Variants in ANK1 observed in about 807,000 individuals in gnomAD.
ANK1 encodes ankyrin-1.
A neutral mutation model predicts 210.4 loss-of-function variants in ANK1; 51 were observed. The ratio of observed to expected loss-of-function variants is 0.24; its 90% CI spans 0.19 to 0.31. The LOEUF is 0.31. Ranked by LOEUF, ANK1 falls within the 10% of genes least tolerant of loss-of-function variation. ANK1 has a pLI of 1.00. For synonymous variants in ANK1, 967 were observed against 1,025.9 expected, an observed-to-expected ratio of 0.94 and a Z score of 1.10; for missense variants, 2,051 against 2,504.4, an observed-to-expected ratio of 0.82 and a Z score of 3.86.
intron 1 of ANK1, among the ~76,000 whole-genome samples, chr8:41,772,744 G>A (rs942560461): frequency 6.6e-6 from 1 of 152,188 alleles, no homozygotes; most frequent in South Asian, 2.1e-4. Flanking sequence ...CCTGCTGCTG[G>A]CTGTGGCCAG....
chr8:41,878,073 G>A (rs916466216), intron 1 of ANK1, among the ~76,000 whole-genome samples: 1 of 152,158 alleles, frequency 6.6e-6, no homozygotes, highest in African/African-American at 2.4e-5. Flanking sequence ...TCTGGAAGGC[G>A]GCAGAGTCCA....
At chr8:41,665,263 T>C in intron 39 of ANK1, 1 of 1,503,786 alleles carries the variant, frequency 6.6e-7, no homozygotes. Flanking sequence ...GCAGCCAGGC[T>C]CTGCCCTGAG....
intron 1 of ANK1, among the ~76,000 whole-genome samples, chr8:41,895,398 C>T (rs539289551): frequency 6.6e-6 from 1 of 152,178 alleles, no homozygotes; most frequent in South Asian, 2.1e-4. Flanking sequence ...CTCTAAGGTG[C>T]CCTGACTTCT....
chr8:41,653,470 GGCTCCTACTA>G lies in ANK1; in HGVS notation c.*2310_*2319del, dbSNP rs1313817315. The G allele has an allele frequency of 6.5e-6, 1 of 152,710 alleles. No individual in the cohort carries two copies. Among genetic ancestry groups the G allele is most frequent in the Non-Finnish European group, 1.5e-5 (1 of 68,088 alleles). The allele number at this position is 152,710 out of a possible 1,614,324, so 9.5% of individuals were successfully genotyped here. On this transcript the variant is annotated 3_prime_UTR_variant, in exon 43 of 43. Transcript: ENST00000289734. ...GGAGACCCCAAACTCCTCCCCTAAC[GGCTCCTACTA>G]GCAGCCGGAGCGTGCAGCCATGCCA... is the stretch of plus-strand genomic sequence containing the variant.
intron 1 of ANK1, among the ~76,000 whole-genome samples, chr8:41,810,827 T>G (rs928922242): frequency 6.6e-6 from 1 of 152,156 alleles, no homozygotes; most frequent in Non-Finnish European, 1.5e-5. Flanking sequence ...TCCCCGGGAA[T>G]TCGGAGGCCA....
intron 9 of ANK1, 125 bp downstream of exon 9, chr8:41,723,000 G>T: frequency 1.1e-6 from 1 of 876,572 alleles, no homozygotes; most frequent in Non-Finnish European, 1.9e-6. Flanking sequence ...TGTAATAAAT[G>T]TCAAAGGTGC....
At chr8:41,822,101 AG>A (rs1297029992) in intron 1 of ANK1, among the ~76,000 whole-genome samples, 4 of 36,608 alleles carry the variant, frequency 1.1e-4, no homozygotes, top group East Asian at 6.6e-4. Context: ...AGAGAGAGAG[AG>A]AGAGAGAGAG....
chr8:41,888,516 CT>C (rs766712269), intron 1 of ANK1, among the ~76,000 whole-genome samples: 3 of 152,236 alleles, frequency 2.0e-5, no homozygotes, highest in African/African-American at 4.8e-5. Flanking sequence ...CCGTGTCCGG[CT>C]CCTGGCAGGC....
chr8:41,735,460 C>A (rs558828797), intron 2 of ANK1, among the ~76,000 whole-genome samples: 280 of 152,224 alleles, frequency 1.8e-3, no homozygotes, highest in Non-Finnish European at 3.2e-3. Context: ...TATTGCGTTC[C>A]TTTCCAGGGG....
intron 1 of ANK1, among the ~76,000 whole-genome samples, chr8:41,825,730 C>A (rs370303223): frequency 6.6e-6 from 1 of 152,170 alleles, no homozygotes; most frequent in East Asian, 1.9e-4. Context: ...GTGGGAGGGA[C>A]CCGGTGGGAG....
intron 1 of ANK1, among the ~76,000 whole-genome samples, chr8:41,784,957 G>T (rs1586927322): frequency 6.6e-6 from 1 of 152,204 alleles, no homozygotes; most frequent in Non-Finnish European, 1.5e-5. Flanking sequence ...GGCTTCCAAG[G>T]GTTCCATCTG....
At chr8:41,707,815 G>A (rs1400333826) in intron 17 of ANK1, among the ~76,000 whole-genome samples, 2 of 152,176 alleles carry the variant, frequency 1.3e-5, no homozygotes, top group African/African-American at 2.4e-5. Context: ...TGTACAAAAT[G>A]TGCCAGATTT....
In ANK1 at chr8:41,677,401, T is replaced by C. The variant is rs117590808; in HGVS notation, c.4538-4489A>G. Among the ~76,000 whole-genome samples the C allele has an allele frequency of 8.4e-3, 1,276 of 152,296 alleles. 6 individuals carry two copies. Among genetic ancestry groups the C allele is most frequent in the Middle Eastern group, 0.014 (4 of 294 alleles). ...TTATTCTATGATTTTGGGTTTAATT[T>C]ACTCTTCTTTTTCTAATTTCTTAAG... On this transcript the variant is annotated intron_variant, in intron 37 of 42. Transcript: ENST00000289734.
chr8:41,696,909 C>T, intron 24 of ANK1, 136 bp from the exon 25 acceptor site: 1 of 831,962 alleles, frequency 1.2e-6, no homozygotes, highest in Non-Finnish European at 2.0e-6. Context: ...CACGGGACCC[C>T]ACCGCCCTGT....
rs1268798309 is a variant in ANK1 at position 41,725,812 on chromosome 8, G to A, written c.561C>T (p.Arg187=). ...LHIAARNDDT[R]TAAVLLQNDP... The stretch of plus-strand genomic sequence containing the variant: ...CGTTCTGCAGCAGCACCGCAGCCGT[G>A]CGCGTGTCGTCGTTGCGGGCCGCGA... The change falls in exon 6 of 43, where the codon CGC becomes CGT. Residue 187 remains arginine, a synonymous_variant. Transcript: ENST00000289734. 6.2e-7 allele frequency: 1 copy of A among 1,611,976 alleles called. No individual in the cohort carries two copies. Among genetic ancestry groups the A allele is most frequent in the Admixed American group, 1.7e-5 (1 of 59,968 alleles).
intron 1 of ANK1, among the ~76,000 whole-genome samples, chr8:41,867,661 T>A (rs1367069705): frequency 6.6e-6 from 1 of 152,100 alleles, no homozygotes; most frequent in Non-Finnish European, 1.5e-5. Context: ...ACCCTCCTTT[T>A]TGCTTGAGCA....
intron 1 of ANK1, among the ~76,000 whole-genome samples, chr8:41,882,773 G>A (rs1456113806): frequency 2.0e-5 from 3 of 152,236 alleles, no homozygotes; most frequent in African/African-American, 4.8e-5. Context: ...AGGAAAACAG[G>A]CAGCCAGGGC....
intron 13 of ANK1, 87 bp from the exon 14 acceptor site, chr8:41,715,936 C>A: frequency 6.6e-7 from 1 of 1,507,554 alleles, no homozygotes. Context: ...AGGCAGGGCC[C>A]AGAGAGGGCA....
chr8:41,844,065 G>A (rs1219057931), intron 1 of ANK1, among the ~76,000 whole-genome samples: 2 of 152,184 alleles, frequency 1.3e-5, no homozygotes, highest in East Asian at 3.9e-4. Flanking sequence ...TAGGGATGGG[G>A]TCTTACTATG....
Sources: allele counts gnomAD v4.1 joint callset (sites outside exome capture counted in the v4.1 genomes callset), GRCh38; gene constraint gnomAD v4.1.1; transcripts MANE v1.5; gene names NCBI Gene and HGNC (gene_info 2026-07-23, HGNC 2026-07-21).